HSPA2: variants seen among roughly 807,000 people sequenced by gnomAD.
HSPA2 encodes heat shock-related 70 kDa protein 2.
Under a neutral mutation model 35.0 loss-of-function variants are expected in HSPA2, and 13 were observed. The observed-to-expected ratio is 0.37, with a 90% CI of 0.24 to 0.59. HSPA2 has a LOEUF of 0.59. HSPA2 is among the 20% of genes least tolerant of loss of function. The pLI is 0.70. For missense variants in HSPA2, 565 were observed against 885.4 expected (o/e 0.64, Z 4.59); for synonymous variants, 368 against 382.1 (o/e 0.96, Z 0.43).
Position 64,541,447 on chromosome 14 carries a change from A to C in HSPA2, c.598A>C (p.Ile200Leu). Residue 200 changes from isoleucine (I) to leucine (L), a missense_variant, in exon 1 of 1, where the codon ATC (isoleucine) becomes CTC (leucine). This residue lies in a region of HSPA2 where 183 missense variants were observed against 281.6 expected (regional missense o/e 0.65). Coordinates refer to ENST00000247207, the MANE Select transcript of HSPA2 (RefSeq NM_021979.4). Reference sequence around the variant, plus strand: ...CGCGGGCGGCGAGAAGAACGTGCTCATCTTTGACCTGGGCGGTGGCACTTT... The same window carrying C: ...CGCGGGCGGCGAGAAGAACGTGCTCCTCTTTGACCTGGGCGGTGGCACTTT... ...GCAGGEKNVL[I>L]FDLGGGTFDV... is the part of the protein sequence containing the mutation. 6.2e-7 allele frequency: 1 copy of C among 1,613,400 alleles called. No homozygotes were observed. Among genetic ancestry groups the C allele is most frequent in the Non-Finnish European group, 8.5e-7 (1 of 1,179,682 alleles).
Position 64,543,085 on chromosome 14 carries a change from G to T in HSPA2, c.*316G>T. The T allele has an allele frequency of 2.4e-6, 1 of 421,652 alleles. No homozygotes were observed. The highest frequency in any genetic ancestry group is 4.4e-6 in the Non-Finnish European group (1 of 228,182). The allele number at this position is 421,652 out of a possible 1,614,324, so 26.1% of individuals were successfully genotyped here. A position where few individuals can be genotyped will look rare whatever the true frequency, so the allele number is the denominator to read the frequency against. The stretch of plus-strand genomic sequence containing the variant: ...TTGCACACCTGTTCTGTAGAAGCTT[G>T]GAAACAGTAAAATATATAGGAGCTT... On this transcript the variant is annotated 3_prime_UTR_variant, in exon 1 of 1. Coordinates refer to ENST00000247207, the MANE Select transcript of HSPA2 (RefSeq NM_021979.4).
upstream of HSPA2, among the ~76,000 whole-genome samples, chr14:64,539,708 G>A (rs992092469): frequency 7.2e-5 from 11 of 151,878 alleles, no homozygotes; most frequent in African/African-American, 2.2e-4. Context: ...TTGAGACGGA[G>A]TCTCGCTCAG....
rs1174679338 is a variant in HSPA2, at chr14:64,542,436, A to G, written c.1587A>G (p.Lys529=). ...DRMVQEAERY[K]SEDEANRDRV... is the part of the protein sequence containing the mutation. The stretch of plus-strand genomic sequence containing the variant: ...TGGTGCAGGAGGCGGAGCGGTACAA[A>G]TCGGAAGATGAGGCGAATCGCGACC... The change falls in exon 1 of 1, where the codon AAA becomes AAG. Residue 529 remains lysine (K), a synonymous_variant. Transcript: ENST00000247207. This position sits in a 1 kb window ranked among gnomAD's most constrained non-coding sequence, Gnocchi z 5.7. 18 of 1,613,840 alleles carry G rather than the reference A, an allele frequency of 1.1e-5. No individual in the cohort carries two copies. The highest frequency in any genetic ancestry group is 1.4e-5 in the Non-Finnish European group (17 of 1,179,970).
In HSPA2 at chr14:64,542,331, C is replaced by T. The variant is rs781645807; in HGVS notation, c.1482C>T (p.Ala494=). 2 of 1,613,650 alleles carry T rather than the reference C, an allele frequency of 1.2e-6. No homozygotes were observed. Among genetic ancestry groups the T allele is most frequent in the Non-Finnish European group, 1.7e-6 (2 of 1,179,870 alleles). Residue 494 remains alanine, a synonymous_variant, in exon 1 of 1, where the codon GCC becomes GCT. Coordinates refer to ENST00000247207, the MANE Select transcript of HSPA2 (RefSeq NM_021979.4). The surrounding 1 kb of genome is among the most constrained non-coding windows in gnomAD (Gnocchi z 5.7). ...ATGGCATCCTTAACGTTACCGCCGC[C>T]GACAAGAGCACCGGTAAGGAAAACA... ...DANGILNVTA[A]DKSTGKENKI...
rs138216816 is a variant in HSPA2 at position 64,540,857 on chromosome 14, C to T, written c.8C>T (p.Ala3Val). MS[A>V]RGPAIGIDLG... ...GCTCGCCTTTCAGTCAGGATGTCTG[C>T]CCGTGGCCCGGCTATCGGCATCGAC... Residue 3 changes from alanine to valine, a missense_variant, in exon 1 of 1, where the codon GCC (alanine) becomes GTC (valine). Physicochemically the swap from Ala to Val is moderately conservative, Grantham distance 64 (BLOSUM62 0). This residue lies in a region of HSPA2 where 183 missense variants were observed against 281.6 expected (regional missense o/e 0.65). Coordinates refer to ENST00000247207, the MANE Select transcript of HSPA2 (RefSeq NM_021979.4). 417 of 1,614,060 alleles carry T rather than the reference C, an allele frequency of 2.6e-4. No homozygotes were observed. In the African/African-American group the frequency reaches 4.8e-3, roughly 18 times the overall value.
Position 64,541,709 on chromosome 14 carries a change from T to A in HSPA2, c.860T>A (p.Ile287Asn). 1.2e-6 allele frequency: 2 copies of A among 1,611,922 alleles called. No individual in the cohort carries two copies. The highest frequency in any genetic ancestry group is 1.7e-6 in the Non-Finnish European group (2 of 1,179,594). ...TCGTCCACGCAGGCGAGCATCGAGA[T>A]CGACTCGCTCTACGAGGGCGTGGAC... ...LSSSTQASIE[I>N]DSLYEGVDFY... The change falls in exon 1 of 1, where the codon ATC becomes AAC. Residue 287 changes from isoleucine (I) to asparagine (N), a missense_variant. Ile to Asn is a moderately radical substitution (Grantham distance 149, BLOSUM62 -3). Coordinates refer to ENST00000247207, the MANE Select transcript of HSPA2 (RefSeq NM_021979.4).
chr14:64,542,706 C>A lies in HSPA2; in HGVS notation c.1857C>A (p.Gly619=). The A allele has an allele frequency of 2.5e-6, 4 of 1,613,712 alleles. No homozygotes were observed. Among genetic ancestry groups the A allele is most frequent in the East Asian group, 4.5e-5 (2 of 44,858 alleles). Residue 619 remains glycine (G), a synonymous_variant, in exon 1 of 1, where the codon GGC becomes GGA. Coordinates refer to ENST00000247207, the MANE Select transcript of HSPA2 (RefSeq NM_021979.4). This position sits in a 1 kb window ranked among gnomAD's most constrained non-coding sequence, Gnocchi z 5.7. ...IISKLYQGGP[G]GGSGGGGSGA... ...GCAAACTTTACCAAGGTGGTCCTGG[C>A]GGCGGCAGCGGCGGCGGCGGTTCAG...
chr14:64,540,860 G>A lies in HSPA2; in HGVS notation c.11G>A (p.Arg4His), dbSNP rs763109794. Reference protein sequence around the residue: MSARGPAIGIDLGT... With the variant: MSAHGPAIGIDLGT... ...CGCCTTTCAGTCAGGATGTCTGCCC[G>A]TGGCCCGGCTATCGGCATCGACCTG... The change falls in exon 1 of 1, where the codon CGT becomes CAT. Residue 4 changes from arginine (R) to histidine (H), a missense_variant. Physicochemically the swap from Arg to His is conservative, Grantham distance 29. Coordinates refer to ENST00000247207, the MANE Select transcript of HSPA2 (RefSeq NM_021979.4). 6.8e-6 allele frequency: 11 copies of A among 1,613,938 alleles called. No individual in the cohort carries two copies. In the South Asian group the frequency reaches 1.1e-4, roughly 16 times the overall value.
At position 64,541,566 on chromosome 14, in the gene HSPA2, C is replaced by T. The variant is rs1596714031; in HGVS notation, c.717C>T (p.Arg239=). The stretch of plus-strand genomic sequence containing the variant: ...TGGGCGGTGAGGACTTCGACAACCG[C>T]ATGGTGAGCCACCTGGCGGAGGAGT... ...THLGGEDFDN[R]MVSHLAEEFK... is the part of the protein sequence containing the mutation. Residue 239 remains arginine (R), a synonymous_variant, in exon 1 of 1, where the codon CGC becomes CGT. Transcript: ENST00000247207. 6.2e-7 allele frequency: 1 copy of T among 1,612,740 alleles called. No homozygotes were observed. The highest frequency in any genetic ancestry group is 1.3e-5 in the African/African-American group (1 of 74,936).
Position 64,542,429 on chromosome 14 carries a change from G to T in HSPA2, c.1580G>T (p.Arg527Leu). The part of the protein sequence containing the change: ...DIDRMVQEAE[R>L]YKSEDEANRD... Reference sequence around the variant, plus strand: ...GACCGGATGGTGCAGGAGGCGGAGCGGTACAAATCGGAAGATGAGGCGAAT... The same window carrying T: ...GACCGGATGGTGCAGGAGGCGGAGCTGTACAAATCGGAAGATGAGGCGAAT... Residue 527 changes from arginine to leucine, a missense_variant, in exon 1 of 1, where the codon CGG becomes CTG. Around this residue, in one of 4 missense-constraint regions of HSPA2, gnomAD observed 147 missense variants for 166.7 expected, o/e 0.88. Transcript: ENST00000247207. This position sits in a 1 kb window ranked among gnomAD's most constrained non-coding sequence, Gnocchi z 5.7. 6.2e-7 allele frequency: 1 copy of T among 1,613,784 alleles called. No individual in the cohort carries two copies. The highest frequency in any genetic ancestry group is 1.6e-4 in the Middle Eastern group (1 of 6,062).
chr14:64,538,603 C>G (rs1208133912), upstream of HSPA2, among the ~76,000 whole-genome samples: 1 of 152,270 alleles, frequency 6.6e-6, no homozygotes, highest in Non-Finnish European at 1.5e-5. Context: ...CAGCAACGCA[C>G]TTTTCCATCA....
upstream of HSPA2, chr14:64,540,557 C>T: frequency 2.1e-6 from 1 of 466,728 alleles, no homozygotes; most frequent in South Asian, 2.7e-5. Context: ...CCTCTGTCTC[C>T]TGGCGGGGGC....
In HSPA2 at chr14:64,541,685, C is replaced by G; in HGVS notation, c.836C>G (p.Ser279Trp). Residue 279 changes from serine to tryptophan, a missense_variant, in exon 1 of 1, where the codon TCG becomes TGG. By Grantham distance (177) the Ser-to-Trp change is radical (BLOSUM62 -3). Coordinates refer to ENST00000247207, the MANE Select transcript of HSPA2 (RefSeq NM_021979.4). ...ACERAKRTLSSSTQASIEIDS... is the reference protein window; with the variant it reads ...ACERAKRTLSWSTQASIEIDS... ...GAGCGCGCCAAGCGCACCCTGAGCT[C>G]GTCCACGCAGGCGAGCATCGAGATC... The G allele has an allele frequency of 6.2e-7, 1 of 1,611,866 alleles. No individual in the cohort carries two copies. Among genetic ancestry groups the G allele is most frequent in the Non-Finnish European group, 8.5e-7 (1 of 1,179,708 alleles).
At position 64,541,107 on chromosome 14, in the gene HSPA2, G is replaced by T. The variant is rs1282240447; in HGVS notation, c.258G>T (p.Ser86=). 1 of 1,614,224 alleles carries T rather than the reference G, an allele frequency of 6.2e-7. No homozygotes were observed. The highest frequency in any genetic ancestry group is 1.3e-5 in the African/African-American group (1 of 75,052). The change falls in exon 1 of 1, where the codon TCG becomes TCT. Residue 86 remains serine (S), a synonymous_variant. Coordinates refer to ENST00000247207, the MANE Select transcript of HSPA2 (RefSeq NM_021979.4). ...AATTCGAGGATGCCACAGTGCAGTC[G>T]GATATGAAACACTGGCCGTTCCGGG... The part of the protein sequence containing the change: ...GRKFEDATVQ[S]DMKHWPFRVV...
chr14:64,540,334 C>T (rs940191651), upstream of HSPA2: 85 of 184,334 alleles, frequency 4.6e-4, no homozygotes, highest in Non-Finnish European at 1.3e-4. Flanking sequence ...CCCTTCCACG[C>T]CTCCTCCCCG....
upstream of HSPA2, chr14:64,540,730 C>A: frequency 6.9e-7 from 1 of 1,445,614 alleles, no homozygotes; most frequent in Non-Finnish European, 9.3e-7. Flanking sequence ...GGGAACTGGG[C>A]GCGGGGAGCT....
At chr14:64,537,735 CT>C (rs957198368), upstream of HSPA2, among the ~76,000 whole-genome samples, 18 of 31,040 alleles carry the variant, frequency 5.8e-4, no homozygotes, top group Non-Finnish European at 7.9e-4. Context: ...TTTTCTTTTT[CT>C]TTTTTTTTTT....
In HSPA2 at chr14:64,543,022, C is replaced by T; in HGVS notation, c.*253C>T. 1 of 588,638 alleles carries T rather than the reference C, an allele frequency of 1.7e-6. No individual in the cohort carries two copies. The highest frequency in any genetic ancestry group is 3.0e-6 in the Non-Finnish European group (1 of 338,536). 36.5% of individuals were successfully genotyped at this position (588,638 alleles called of 1,614,324 possible). ...CTGACTTGAGCATTTTTGATTAGTT[C>T]GTGCATGGAGATTTGTTTGAGATGA... On this transcript the variant is annotated 3_prime_UTR_variant, in exon 1 of 1. Transcript: ENST00000247207.
chr14:64,542,889 T>C lies in HSPA2; in HGVS notation c.*120T>C. 1 of 1,416,502 alleles carries C rather than the reference T, an allele frequency of 7.1e-7. No individual in the cohort carries two copies. Among genetic ancestry groups the C allele is most frequent in the South Asian group, 1.5e-5 (1 of 65,940 alleles). 87.7% of individuals were successfully genotyped at this position (1,416,502 alleles called of 1,614,324 possible). ...TCTATTGTTGGAAGTCTTTGGTATA[T>C]GCAAATGAAAGGAGAGGTGCAACAA... On this transcript the variant is annotated 3_prime_UTR_variant, in exon 1 of 1. Transcript: ENST00000247207. The surrounding 1 kb of genome is among the most constrained non-coding windows in gnomAD (Gnocchi z 5.7).
Sources: gnomAD v4.1 joint callset for allele counts (sites outside exome capture counted in the v4.1 genomes callset) on GRCh38, gnomAD v4.1.1 for gene constraint, gnomAD v4.1.1 regional missense constraint, Gnocchi (gnomAD v3.1) non-coding constraint, MANE v1.5 for transcripts, NCBI Gene and HGNC (gene_info 2026-07-23, HGNC 2026-07-21) for gene names.